The following SLC9A4 variants were observed in gnomAD, a reference collection of about 807,000 sequenced individuals.
The protein encoded by SLC9A4 is sodium/hydrogen exchanger 4.
Under a neutral mutation model 67.4 loss-of-function variants are expected in SLC9A4, and 63 were observed. That is an observed-to-expected ratio of 0.93 (90% CI 0.76 to 1.15). The LOEUF (loss-of-function observed/expected upper bound fraction) is 1.15, where lower values mean the gene tolerates loss of function less well. SLC9A4 is among the 50% of genes most tolerant of loss of function. The pLI, the probability that SLC9A4 is intolerant of heterozygous loss-of-function variation, is 0.00. For missense variants in SLC9A4, 1,089 were observed against 987.7 expected, an observed-to-expected ratio of 1.10 and a Z score of -1.38; for synonymous variants, 393 against 367.2, an observed-to-expected ratio of 1.07 and a Z score of -0.80.
chr2:102,509,012 C>G, intron 6 of SLC9A4, 79 bp downstream of exon 6: 1 of 1,167,666 alleles, frequency 8.6e-7, no homozygotes. Context: ...GCACGTGTCA[C>G]TAGACTTCCT....
rs1253982046 is a variant in SLC9A4 at position 102,503,685 on chromosome 2, C to G, written c.958C>G (p.Leu320Val). 1.2e-6 allele frequency: 2 copies of G among 1,614,056 alleles called. No homozygotes were observed. The highest frequency in any genetic ancestry group is 2.7e-5 in the African/African-American group (2 of 74,936). The part of the protein sequence containing the change: ...SYLSYLAAET[L>V]YLSGILAITA... ...TTTGTCTTACTTAGCTGCTGAAACC[C>G]TCTATCTCTCCGGCATCCTGGCGTG... The change falls in exon 3 of 12, where the codon CTC (leucine) becomes GTC (valine). Residue 320 changes from leucine (L) to valine (V), a missense_variant. Leu to Val is a conservative substitution (Grantham distance 32, BLOSUM62 1). Coordinates refer to ENST00000295269, the MANE Select transcript of SLC9A4 (RefSeq NM_001011552.4).
intron 2 of SLC9A4, among the ~76,000 whole-genome samples, chr2:102,502,100 A>T (rs2075190): frequency 0.71 from 107,665 of 151,898 alleles, 38,867 homozygotes; most frequent in Middle Eastern, 0.77. Context: ...AGATGCTAAG[A>T]GGCAAGTACT....
intron 2 of SLC9A4, among the ~76,000 whole-genome samples, chr2:102,501,910 G>A (rs964134167): frequency 6.6e-6 from 1 of 151,898 alleles, no homozygotes; most frequent in Admixed American, 6.6e-5. Flanking sequence ...AGCATGAGGG[G>A]CCACAGCCAG....
At chr2:102,514,348 G>A (rs1685231318) in intron 8 of SLC9A4, 97 bp downstream of exon 8, 1 of 743,260 alleles carries the variant, frequency 1.3e-6, no homozygotes, top group Non-Finnish European at 2.1e-6. Flanking sequence ...GGAGTAAAGA[G>A]GCAGAAATAT....
intron 2 of SLC9A4, among the ~76,000 whole-genome samples, chr2:102,488,838 C>A (rs192854928): frequency 1.3e-5 from 2 of 152,182 alleles, no homozygotes; most frequent in Non-Finnish European, 2.9e-5. Flanking sequence ...TGAGCCACTG[C>A]GCCAGGCCTG....
intron 5 of SLC9A4, 107 bp from the exon 6 acceptor site, chr2:102,508,740 C>A: frequency 1.2e-6 from 1 of 830,558 alleles, no homozygotes; most frequent in Non-Finnish European, 1.9e-6. Flanking sequence ...ATAGCTAGTA[C>A]AAAAACATAT....
intron 2 of SLC9A4, among the ~76,000 whole-genome samples, chr2:102,483,841 T>TATAC (rs370126753): frequency 2.6e-4 from 33 of 126,750 alleles, no homozygotes; most frequent in South Asian, 2.6e-3. Flanking sequence ...TATATATATA[T>TATAC]ACACACACAC....
chr2:102,528,132 C>T lies in SLC9A4; in HGVS notation c.2038+1786C>T, dbSNP rs574129591. On this transcript the variant is annotated intron_variant, in intron 11 of 11. Coordinates refer to ENST00000295269, the MANE Select transcript of SLC9A4 (RefSeq NM_001011552.4). ...AAGCGATTCTCCTGGCTCAGCCTCC[C>T]GAGTAGCTGGAATTACAGGCATGTG... is the stretch of plus-strand genomic sequence containing the variant. Among the ~76,000 whole-genome samples the T allele has an allele frequency of 6.5e-4, 99 of 152,142 alleles. 2 individuals carry two copies. The South Asian group carries it at 0.014, about 22-fold the overall frequency.
At position 102,526,412 on chromosome 2, in the gene SLC9A4, T is replaced by C. The variant is rs993736471; in HGVS notation, c.2038+66T>C. 18 of 1,485,190 alleles carry C rather than the reference T, an allele frequency of 1.2e-5. No individual in the cohort carries two copies. In the Admixed American group the frequency reaches 2.7e-4, roughly 22 times the overall value. The allele number at this position is 1,485,190 out of a possible 1,614,324, so 92.0% of individuals were successfully genotyped here. A position where few individuals can be genotyped will look rare whatever the true frequency, so the allele number is the denominator to read the frequency against. On this transcript the variant is annotated intron_variant, in intron 11 of 11. Transcript: ENST00000295269. ...GTCAGGTGGTAAATATCTGGGGGTG[T>C]GGGCCAAGAGGCAACATTAAGAACA...
chr2:102,505,335 C>A lies in SLC9A4; in HGVS notation c.1062C>A (p.Phe354Leu), dbSNP rs1307484127. The change falls in exon 4 of 12, where the codon TTC becomes TTA. Residue 354 changes from phenylalanine to leucine, a missense_variant. Coordinates refer to ENST00000295269, the MANE Select transcript of SLC9A4 (RefSeq NM_001011552.4). ...SQTSYTTIKY[F>L]MKMLSSVSET... ...CATCATACACGACCATCAAGTACTT[C>A]ATGAAGATGCTGAGCAGCGTCAGCG... The A allele has an allele frequency of 1.2e-6, 2 of 1,614,120 alleles. No individual in the cohort carries two copies. Among genetic ancestry groups the A allele is most frequent in the Non-Finnish European group, 1.7e-6 (2 of 1,180,050 alleles).
intron 2 of SLC9A4, among the ~76,000 whole-genome samples, chr2:102,498,865 C>T (rs570428571): frequency 1.3e-5 from 2 of 152,240 alleles, no homozygotes; most frequent in Admixed American, 6.5e-5. Context: ...CACAAACAGA[C>T]CAATAGATGT....
In SLC9A4 at chr2:102,478,982, C is replaced by G. The variant is rs1684393578; in HGVS notation, c.400C>G (p.Leu134Val). 1 of 1,614,088 alleles carries G rather than the reference C, an allele frequency of 6.2e-7. No homozygotes were observed. Among genetic ancestry groups the G allele is most frequent in the African/African-American group, 1.3e-5 (1 of 75,058 alleles). ...VMDSSIYFLY[L>V]LPPIVLEGGY... The stretch of plus-strand genomic sequence containing the variant: ...GGACTCCAGCATCTACTTCCTGTAT[C>G]TCCTGCCACCCATCGTTCTGGAGGG... The change falls in exon 2 of 12, where the codon CTC becomes GTC. Residue 134 changes from leucine (L) to valine (V), a missense_variant. By Grantham distance (32) the Leu-to-Val change is conservative. Transcript: ENST00000295269.
chr2:102,473,786 C>T lies in SLC9A4; in HGVS notation c.27C>T (p.Tyr9=), dbSNP rs1180174903. ...TGGCTCTGCAGATGTTCGTGACTTACAGTCCTTGGAATTGTTTGCTACTGC... is the reference window on the plus strand; with the variant it reads ...TGGCTCTGCAGATGTTCGTGACTTATAGTCCTTGGAATTGTTTGCTACTGC... MALQMFVT[Y]SPWNCLLLLV... Residue 9 remains tyrosine, a synonymous_variant, in exon 1 of 12, where the codon TAC becomes TAT. Coordinates refer to ENST00000295269, the MANE Select transcript of SLC9A4 (RefSeq NM_001011552.4). The T allele has an allele frequency of 3.1e-6, 5 of 1,613,890 alleles. No homozygotes were observed. Among genetic ancestry groups the T allele is most frequent in the Non-Finnish European group, 3.4e-6 (4 of 1,179,916 alleles).
intron 2 of SLC9A4, among the ~76,000 whole-genome samples, chr2:102,490,660 G>A (rs1215726580): frequency 6.6e-6 from 1 of 152,146 alleles, no homozygotes; most frequent in Non-Finnish European, 1.5e-5. Flanking sequence ...GACCCCTCAG[G>A]AACCCAGGAA....
chr2:102,523,849 C>A (rs1287085759), intron 9 of SLC9A4, among the ~76,000 whole-genome samples: 1 of 152,190 alleles, frequency 6.6e-6, no homozygotes, highest in Non-Finnish European at 1.5e-5. Flanking sequence ...GATGTCTTAG[C>A]TCATGTGTTT....
At chr2:102,525,827 C>G (rs1573357770) in intron 10 of SLC9A4, among the ~76,000 whole-genome samples, 1 of 152,192 alleles carries the variant, frequency 6.6e-6, no homozygotes, top group South Asian at 2.1e-4. Context: ...AACAAAAAAA[C>G]TAAAAGCCAG....
intron 6 of SLC9A4, among the ~76,000 whole-genome samples, chr2:102,510,272 C>CAGATATAGATATAGATATAGATAT (rs145991620): frequency 2.0e-4 from 25 of 126,322 alleles, no homozygotes; most frequent in African/African-American, 4.9e-4. Flanking sequence ...GATACAGATA[C>CAGATATAGATATAGATATAGATAT]AGATATAGAT....
intron 11 of SLC9A4, 84 bp from the exon 12 acceptor site, chr2:102,532,246 C>CT (rs1186372900): frequency 2.8e-6 from 4 of 1,431,286 alleles, no homozygotes; most frequent in Non-Finnish European, 3.8e-6. Context: ...TTGCTTCACT[C>CT]TGAGTTCCTG....
In SLC9A4 at chr2:102,479,322, C is replaced by T. The variant is rs1469494317; in HGVS notation, c.720+20C>T. The T allele has an allele frequency of 1.0e-5, 16 of 1,585,846 alleles. No individual in the cohort carries two copies. The highest frequency in any genetic ancestry group is 1.3e-5 in the Non-Finnish European group (15 of 1,167,126). Reference sequence around the variant, plus strand: ...ACTGTGGTGAGATGTCATGTGCCCGCCCGGCTTCCGGGGGAGATGAGGGTT... The same window carrying T: ...ACTGTGGTGAGATGTCATGTGCCCGTCCGGCTTCCGGGGGAGATGAGGGTT... On this transcript the variant is annotated intron_variant, in intron 2 of 11. Transcript: ENST00000295269.
Sources: gnomAD v4.1 joint callset for allele counts (sites outside exome capture counted in the v4.1 genomes callset) on GRCh38, gnomAD v4.1.1 for gene constraint, MANE v1.5 for transcripts, NCBI Gene and HGNC (gene_info 2026-07-23, HGNC 2026-07-21) for gene names.